The following ANTXR1 variants were observed in gnomAD, a reference collection of about 807,000 sequenced individuals.
ANTXR1 encodes ANTXR cell adhesion molecule 1.
A neutral mutation model predicts 78.1 loss-of-function variants in ANTXR1; 19 were observed. The ratio of observed to expected loss-of-function variants is 0.24; its 90% confidence interval spans 0.17 to 0.36. The LOEUF is 0.36. ANTXR1 is among the 10% of genes least tolerant of loss of function. The pLI is 1.00. For synonymous variants in ANTXR1, 273 were observed against 260.5 expected, an observed-to-expected ratio of 1.05 and a Z score of -0.46; for missense variants, 518 against 718.6, an observed-to-expected ratio of 0.72 and a Z score of 3.19.
At chr2:69,053,244 T>C (rs891338640) in intron 3 of ANTXR1, among the ~76,000 whole-genome samples, 2 of 152,160 alleles carry the variant, frequency 1.3e-5, no homozygotes, top group Non-Finnish European at 2.9e-5. Context: ...TGCAAGATCC[T>C]TGTTGAAAAT....
In ANTXR1 at chr2:69,143,841, G is replaced by A. The variant is rs145111553; in HGVS notation, c.952-8328G>A. Among the ~76,000 whole-genome samples the A allele has an allele frequency of 6.7e-3, 1,018 of 152,250 alleles. 10 individuals carry two copies. The highest frequency in any genetic ancestry group is 0.023 in the African/African-American group (973 of 41,550). On this transcript the variant is annotated intron_variant, in intron 12 of 17. Coordinates refer to ENST00000303714, the MANE Select transcript of ANTXR1 (RefSeq NM_032208.3). ...CCCATGAGGAAAGTGGAAAGGAACG[G>A]TCAGAGATAAGAGGGAGATTGGGAG...
intron 12 of ANTXR1, among the ~76,000 whole-genome samples, chr2:69,127,089 T>C (rs1464125798): frequency 6.6e-6 from 1 of 151,942 alleles, no homozygotes; most frequent in East Asian, 1.9e-4. Flanking sequence ...TAAAAATACC[T>C]GTGTGATGGG....
intron 13 of ANTXR1, among the ~76,000 whole-genome samples, chr2:69,162,373 T>G (rs1673703237): frequency 1.3e-5 from 2 of 152,180 alleles, no homozygotes; most frequent in African/African-American, 4.8e-5. Context: ...GATGTGGGTG[T>G]GTATGTTTGT....
intron 1 of ANTXR1, among the ~76,000 whole-genome samples, chr2:69,024,240 G>A (rs546185407): frequency 6.9e-4 from 105 of 152,198 alleles, no homozygotes; most frequent in Non-Finnish European, 1.2e-3. Context: ...GTCTGAACAT[G>A]TAGGGCATGT....
At chr2:69,038,735 T>G (rs1669524413) in intron 1 of ANTXR1, among the ~76,000 whole-genome samples, 1 of 152,176 alleles carries the variant, frequency 6.6e-6, no homozygotes, top group South Asian at 2.1e-4. Flanking sequence ...GAATGTGAAT[T>G]TGAGGAAAGT....
intron 8 of ANTXR1, among the ~76,000 whole-genome samples, chr2:69,083,047 T>A (rs1250231857): frequency 6.6e-6 from 1 of 152,232 alleles, no homozygotes; most frequent in Non-Finnish European, 1.5e-5. Context: ...AAATTTATTT[T>A]ATTTATGAAA....
At chr2:69,140,319 A>G (rs953204198) in intron 12 of ANTXR1, among the ~76,000 whole-genome samples, 1 of 152,218 alleles carries the variant, frequency 6.6e-6, no homozygotes, top group Non-Finnish European at 1.5e-5. Flanking sequence ...GCAAACTAGG[A>G]TTTATACATC....
intron 13 of ANTXR1, among the ~76,000 whole-genome samples, chr2:69,168,753 C>T (rs1673898418): frequency 6.6e-6 from 1 of 152,192 alleles, no homozygotes; most frequent in African/African-American, 2.4e-5. Context: ...CCAGAGATTT[C>T]CTTAAGGAAC....
chr2:69,069,069 T>G (rs1202022390), intron 3 of ANTXR1, among the ~76,000 whole-genome samples: 1 of 152,170 alleles, frequency 6.6e-6, no homozygotes, highest in East Asian at 1.9e-4. Flanking sequence ...ATATTCCACC[T>G]ATGAAGCATC....
chr2:69,231,882 A>G (rs1675606221), intron 17 of ANTXR1, among the ~76,000 whole-genome samples: 1 of 152,146 alleles, frequency 6.6e-6, no homozygotes. Context: ...AAACAATCAC[A>G]GCCAACCGAG....
At chr2:69,092,690 C>T (rs1671278906) in intron 9 of ANTXR1, among the ~76,000 whole-genome samples, 1 of 152,130 alleles carries the variant, frequency 6.6e-6, no homozygotes, top group Admixed American at 6.5e-5. Context: ...CTTACCTAGG[C>T]AAATTTGACA....
At chr2:69,128,141 C>T (rs1007160500) in intron 12 of ANTXR1, among the ~76,000 whole-genome samples, 3 of 151,910 alleles carry the variant, frequency 2.0e-5, no homozygotes, top group Non-Finnish European at 4.4e-5. Flanking sequence ...GGAGAATCAG[C>T]CTGAACATGG....
At chr2:69,159,892 C>T (rs985766042) in intron 13 of ANTXR1, among the ~76,000 whole-genome samples, 9 of 152,178 alleles carry the variant, frequency 5.9e-5, no homozygotes, top group Non-Finnish European at 1.2e-4. Flanking sequence ...TAATCAAAAA[C>T]TTGATATACC....
Position 69,182,478 on chromosome 2 carries a change from TTTTG to T in ANTXR1, c.1186-11_1186-8del, listed in dbSNP as rs777348628. The T allele has an allele frequency of 6.2e-7, 1 of 1,614,136 alleles. No individual in the cohort carries two copies. Among genetic ancestry groups the T allele is most frequent in the Non-Finnish European group, 8.5e-7 (1 of 1,179,990 alleles). On this transcript the variant is annotated splice_polypyrimidine_tract_variant and intron_variant, in intron 15 of 17. Transcript: ENST00000303714. The stretch of plus-strand genomic sequence containing the variant: ...TATTTTGTCATTTCATTTCATTGTA[TTTTG>T]TTTATTTTAGGTTCGTTGGGGAGAA...
intron 10 of ANTXR1, among the ~76,000 whole-genome samples, chr2:69,108,459 A>T (rs1671880388): frequency 6.6e-6 from 1 of 152,156 alleles, no homozygotes; most frequent in Non-Finnish European, 1.5e-5. Context: ...ACAACAAATA[A>T]ATTCTTTTAT....
At chr2:69,090,305 T>C (rs1671190753) in intron 8 of ANTXR1, among the ~76,000 whole-genome samples, 1 of 151,946 alleles carries the variant, frequency 6.6e-6, no homozygotes, top group South Asian at 2.1e-4. Context: ...GAAATCTATG[T>C]ACTTTTTCCT....
At chr2:69,128,117 T>G (rs1196805731) in intron 12 of ANTXR1, among the ~76,000 whole-genome samples, 1 of 152,012 alleles carries the variant, frequency 6.6e-6, no homozygotes, top group Non-Finnish European at 1.5e-5. Flanking sequence ...CCAGCTACTT[T>G]GGAGGCTGAG....
At chr2:69,235,251 G>A (rs555873410) in intron 17 of ANTXR1, among the ~76,000 whole-genome samples, 66 of 152,004 alleles carry the variant, frequency 4.3e-4, no homozygotes, top group African/African-American at 1.6e-3. Context: ...TCAAACTCCC[G>A]ACTTCAGGTA....
intron 12 of ANTXR1, chr2:69,145,275 G>A: frequency 1.3e-6 from 2 of 1,537,862 alleles, no homozygotes; most frequent in South Asian, 2.4e-5. Context: ...AAGGCCAGGG[G>A]AGTAGCCCTT....
Sources: gnomAD v4.1 joint callset for allele counts (sites outside exome capture counted in the v4.1 genomes callset) on GRCh38, gnomAD v4.1.1 for gene constraint, MANE v1.5 for transcripts, NCBI Gene and HGNC (gene_info 2026-07-23, HGNC 2026-07-21) for gene names.